Variants in CREB5 observed in about 807,000 individuals in gnomAD.
CREB5 encodes the protein cyclic AMP-responsive element-binding protein 5.
In CREB5, 19 loss-of-function variants were observed where a neutral mutation model predicts 57.1. That is an observed-to-expected ratio of 0.33 (90% CI 0.23 to 0.49). The LOEUF (loss-of-function observed/expected upper bound fraction) is 0.49, where lower values mean the gene tolerates loss of function less well. CREB5 is among the 20% of genes least tolerant of loss of function. CREB5 has a pLI of 0.99. For missense variants in CREB5, 579 were observed against 671.6 expected (o/e 0.86, Z 1.52); for synonymous variants, 238 against 238.3 (o/e 1.00, Z 0.01).
At chr7:28,489,461 G>C (rs1456066818) in intron 2 of CREB5, among the ~76,000 whole-genome samples, 1 of 151,850 alleles carries the variant, frequency 6.6e-6, no homozygotes, top group African/African-American at 2.4e-5. Flanking sequence ...CACCACGCCC[G>C]GGTAATTTTT....
intron 7 of CREB5, among the ~76,000 whole-genome samples, chr7:28,727,050 T>C (rs1281093627): frequency 6.6e-6 from 1 of 151,774 alleles, no homozygotes; most frequent in Non-Finnish European, 1.5e-5. Context: ...GCAAACCCAG[T>C]GCCTTTATCA....
rs527929767 is a variant in CREB5 at position 28,552,227 on chromosome 7, G to A, written c.292-18138G>A. 3.9e-5 allele frequency among the ~76,000 whole-genome samples: 6 copies of A among 152,234 alleles called. No individual in the cohort carries two copies. In the South Asian group the frequency reaches 1.0e-3, roughly 26 times the overall value. ...TAATTTTTGTATATTTTGTAGAGAC[G>A]GGGTTTTGCCATGTTGCCCAGGCAG... On this transcript the variant is annotated intron_variant, in intron 4 of 10. Transcript: ENST00000357727.
intron 4 of CREB5, among the ~76,000 whole-genome samples, chr7:28,509,139 CA>C (rs1234848222): frequency 1.3e-5 from 2 of 152,104 alleles, no homozygotes; most frequent in Non-Finnish European, 2.9e-5. Flanking sequence ...TCAAGATAGT[CA>C]AAGCTGGCTT....
intron 5 of CREB5, among the ~76,000 whole-genome samples, chr7:28,658,782 T>A (rs1022662350): frequency 6.6e-6 from 1 of 151,834 alleles, no homozygotes; most frequent in Non-Finnish European, 1.5e-5. Context: ...GGCTGACAGC[T>A]GCTGCACAAC....
At chr7:28,366,447 T>C (rs751536341) in intron 1 of CREB5, among the ~76,000 whole-genome samples, 3 of 152,192 alleles carry the variant, frequency 2.0e-5, no homozygotes, top group African/African-American at 7.2e-5. Context: ...CTACTACTTA[T>C]TGTTATTGTG....
intron 5 of CREB5, among the ~76,000 whole-genome samples, chr7:28,612,474 T>C (rs995379373): frequency 5.9e-5 from 9 of 152,054 alleles, no homozygotes; most frequent in African/African-American, 1.9e-4. Context: ...TATTCAGTTA[T>C]AGGTAAATCC....
chr7:28,472,133 C>T (rs1193288855), intron 1 of CREB5, among the ~76,000 whole-genome samples: 17 of 143,574 alleles, frequency 1.2e-4, no homozygotes, highest in East Asian at 2.1e-4. Flanking sequence ...ACCCAAAATA[C>T]GTCATCTTAT....
In CREB5 at chr7:28,531,848, G is replaced by A. The variant is rs571759431; in HGVS notation, c.291+24111G>A. 2.1e-4 allele frequency among the ~76,000 whole-genome samples: 32 copies of A among 152,010 alleles called. No homozygotes were observed. The South Asian group carries it at 6.0e-3, about 29-fold the overall frequency. On this transcript the variant is annotated intron_variant, in intron 4 of 10. Coordinates refer to ENST00000357727, the MANE Select transcript of CREB5 (RefSeq NM_182898.4). ...GATCGAGACCATCCTGGCTAACATG[G>A]TGAAACCCTGTCTCTATTAAAATAC...
At chr7:28,631,039 C>T (rs1002214140) in intron 5 of CREB5, among the ~76,000 whole-genome samples, 2 of 152,122 alleles carry the variant, frequency 1.3e-5, no homozygotes, top group South Asian at 2.1e-4. Flanking sequence ...AGAGCTCTGA[C>T]CCCAGAGCAC....
intron 4 of CREB5, among the ~76,000 whole-genome samples, chr7:28,508,482 G>C (rs1276740788): frequency 1.3e-5 from 2 of 152,214 alleles, no homozygotes; most frequent in Admixed American, 6.5e-5. Context: ...AATTCAAAAT[G>C]TGAAAGGTGA....
chr7:28,529,876 A>G (rs892031195), intron 4 of CREB5, among the ~76,000 whole-genome samples: 6 of 152,208 alleles, frequency 3.9e-5, no homozygotes, highest in African/African-American at 1.4e-4. Flanking sequence ...AGTTTCTTCT[A>G]CGGTGAGGCT....
intron 7 of CREB5, among the ~76,000 whole-genome samples, chr7:28,763,410 G>A (rs1805776455): frequency 6.6e-6 from 1 of 152,124 alleles, no homozygotes; most frequent in Non-Finnish European, 1.5e-5. Context: ...TTAGGAGCTT[G>A]GGGAGAAAAT....
At chr7:28,785,336 C>T (rs1327128474) in intron 7 of CREB5, among the ~76,000 whole-genome samples, 8 of 152,292 alleles carry the variant, frequency 5.3e-5, no homozygotes, top group Non-Finnish European at 1.2e-4. Flanking sequence ...CTGCATGGAA[C>T]GGCCCAGAAC....
intron 7 of CREB5, among the ~76,000 whole-genome samples, chr7:28,753,344 T>C (rs1273281254): frequency 6.6e-6 from 1 of 152,134 alleles, no homozygotes; most frequent in Non-Finnish European, 1.5e-5. Context: ...ATATTGTCTA[T>C]ACAGAATGTC....
intron 4 of CREB5, among the ~76,000 whole-genome samples, chr7:28,524,729 C>A (rs1793367521): frequency 6.6e-6 from 1 of 152,068 alleles, no homozygotes; most frequent in Non-Finnish European, 1.5e-5. Flanking sequence ...TATTTGTACA[C>A]ACTTATGTGA....
chr7:28,744,838 T>G (rs994525093), intron 7 of CREB5, among the ~76,000 whole-genome samples: 2 of 152,218 alleles, frequency 1.3e-5, no homozygotes, highest in Non-Finnish European at 2.9e-5. Context: ...ATGCAATGAT[T>G]TGCCTTTGCA....
At chr7:28,346,085 G>A (rs1201243465) in intron 1 of CREB5, among the ~76,000 whole-genome samples, 3 of 152,148 alleles carry the variant, frequency 2.0e-5, no homozygotes, top group Non-Finnish European at 4.4e-5. Flanking sequence ...ATTCTGAGAT[G>A]CAAATCAGCA....
Position 28,677,906 on chromosome 7 carries a change from GAGAA to G in CREB5, c.465-40843_465-40840del, listed in dbSNP as rs200217295. The stretch of plus-strand genomic sequence containing the variant: ...CCCATCTCTAAAAATGAAAGAAAGA[GAGAA>G]AGAGAGAGAGAAAGAAAGGGCACTG... On this transcript the variant is annotated intron_variant, in intron 5 of 10. Transcript: ENST00000357727. Among the ~76,000 whole-genome samples the G allele has an allele frequency of 6.3e-3, 952 of 151,736 alleles. 9 individuals carry two copies. Among genetic ancestry groups the G allele is most frequent in the African/African-American group, 0.014 (573 of 41,306 alleles).
intron 1 of CREB5, among the ~76,000 whole-genome samples, chr7:28,384,563 G>A (rs1787044519): frequency 6.6e-6 from 1 of 151,846 alleles, no homozygotes; most frequent in African/African-American, 2.4e-5. Context: ...GACAACCTGA[G>A]CTGTCAAAGC....
Sources: allele counts gnomAD v4.1 joint callset (sites outside exome capture counted in the v4.1 genomes callset), GRCh38; gene constraint gnomAD v4.1.1; transcripts MANE v1.5; gene names NCBI Gene and HGNC (gene_info 2026-07-23, HGNC 2026-07-21).